The following GALNT2 variants were observed in gnomAD, a reference collection of about 807,000 sequenced individuals.
The protein encoded by GALNT2 is UDP-GalNAc:polypeptide N-acetylgalactosaminyltransferase 2.
In GALNT2, 31 loss-of-function variants were observed where a neutral mutation model predicts 81.4. That is an observed-to-expected ratio of 0.38 (90% CI 0.29 to 0.51). The LOEUF is 0.51. Ranked by LOEUF, GALNT2 falls within the 20% of genes least tolerant of loss-of-function variation. The pLI, the probability that GALNT2 is intolerant of heterozygous loss-of-function variation, is 0.87. For missense variants in GALNT2, 629 were observed against 765.7 expected, an observed-to-expected ratio of 0.82 and a Z score of 2.11; for synonymous variants, 303 against 287.4, an observed-to-expected ratio of 1.05 and a Z score of -0.55.
intron 2 of GALNT2, among the ~76,000 whole-genome samples, chr1:230,190,815 C>T (rs559033236): frequency 6.6e-6 from 1 of 152,296 alleles, no homozygotes; most frequent in Admixed American, 6.5e-5. Context: ...ATGGCAGCAA[C>T]ATCTCGACCG....
intron 3 of GALNT2, among the ~76,000 whole-genome samples, chr1:230,225,263 G>A (rs1007723049): frequency 6.6e-6 from 1 of 152,164 alleles, no homozygotes; most frequent in African/African-American, 2.4e-5. Flanking sequence ...TCCATTTCCA[G>A]TTTACATTCT....
intron 3 of GALNT2, among the ~76,000 whole-genome samples, chr1:230,223,344 AT>A (rs5781576): frequency 6.7e-6 from 1 of 148,876 alleles, no homozygotes; most frequent in Non-Finnish European, 1.5e-5. Flanking sequence ...TATCTTACTG[AT>A]TTTTTTTCTT....
rs1659350558 is a variant in GALNT2, at chr1:230,070,887, G to T, written c.126+3481G>T. ...TTGAGCTAGTAGTAGACATTAAAGGGAAATGGCACAAATCCACTTATTGGC... is the reference window on the plus strand; with the variant it reads ...TTGAGCTAGTAGTAGACATTAAAGGTAAATGGCACAAATCCACTTATTGGC... On this transcript the variant is annotated intron_variant, in intron 1 of 15. Transcript: ENST00000366672. This position sits in a 1 kb window ranked among gnomAD's most constrained non-coding sequence, Gnocchi z 4.7. Among the ~76,000 whole-genome samples the T allele has an allele frequency of 6.6e-6, 1 of 152,180 alleles. No homozygotes were observed. Among genetic ancestry groups the T allele is most frequent in the East Asian group, 1.9e-4 (1 of 5,202 alleles).
intron 1 of GALNT2, among the ~76,000 whole-genome samples, chr1:230,061,948 G>C (rs1659059539): frequency 6.6e-6 from 1 of 152,190 alleles, no homozygotes; most frequent in Non-Finnish European, 1.5e-5. Flanking sequence ...TAAAGTAGCA[G>C]ATGATACATA....
chr1:230,242,146 G>A (rs1665221857), intron 6 of GALNT2, among the ~76,000 whole-genome samples: 1 of 152,118 alleles, frequency 6.6e-6, no homozygotes, highest in South Asian at 2.1e-4. Context: ...CGTGGAAAAC[G>A]CCGTATAAAC....
chr1:230,235,854 T>A (rs1401474264), intron 3 of GALNT2, among the ~76,000 whole-genome samples, 160 bp from the exon 4 acceptor site: 14 of 152,184 alleles, frequency 9.2e-5, no homozygotes, highest in Admixed American at 9.2e-4. Context: ...TATGTCCCGT[T>A]GGCAGTTCAT....
At chr1:230,245,201 C>T (rs568015974) in intron 7 of GALNT2, among the ~76,000 whole-genome samples, 31 of 151,992 alleles carry the variant, frequency 2.0e-4, no homozygotes, top group African/African-American at 7.0e-4. Context: ...CAGTGGCTCA[C>T]GCCTGTAATC....
chr1:230,185,652 G>A (rs1014708463), intron 2 of GALNT2, among the ~76,000 whole-genome samples: 5 of 152,176 alleles, frequency 3.3e-5, no homozygotes, highest in Non-Finnish European at 7.3e-5. Context: ...TCTCCCGATG[G>A]CAGGCCTTAT....
rs149535262 is a variant in GALNT2, at chr1:230,177,089, G to T, written c.127-1129G>T. Among the ~76,000 whole-genome samples the T allele has an allele frequency of 4.3e-3, 648 of 152,336 alleles. 2 individuals carry two copies. The highest frequency in any genetic ancestry group is 0.015 in the African/African-American group (614 of 41,586). ...TAGGCACAGTTTCTGTCTAATTACC[G>T]CACCTCTTGAGTAAAAATGCAGATT... On this transcript the variant is annotated intron_variant, in intron 1 of 15. Coordinates refer to ENST00000366672, the MANE Select transcript of GALNT2 (RefSeq NM_004481.5).
At chr1:230,079,533 T>C (rs183817133) in intron 1 of GALNT2, among the ~76,000 whole-genome samples, 3 of 152,402 alleles carry the variant, frequency 2.0e-5, no homozygotes, top group Admixed American at 1.3e-4. Flanking sequence ...CAGCCCTGGC[T>C]GTCCTGGTCT....
intron 1 of GALNT2, among the ~76,000 whole-genome samples, chr1:230,159,038 T>C (rs111764825): frequency 7.2e-5 from 11 of 152,304 alleles, no homozygotes; most frequent in African/African-American, 2.6e-4. Context: ...TCTGGTGAGG[T>C]TGCTGACACT....
intron 1 of GALNT2, among the ~76,000 whole-genome samples, chr1:230,079,655 C>T (rs2102751903): frequency 6.6e-6 from 1 of 152,340 alleles, no homozygotes; most frequent in Non-Finnish European, 1.5e-5. Flanking sequence ...GGCTGGTGAT[C>T]TACTAACCCT....
intron 1 of GALNT2, among the ~76,000 whole-genome samples, chr1:230,155,519 C>T (rs1246058285): frequency 6.6e-6 from 1 of 152,158 alleles, no homozygotes; most frequent in Non-Finnish European, 1.5e-5. Context: ...TAGCTTCTTT[C>T]AGGATCTTCC....
rs1384211047 is a variant in GALNT2, at chr1:230,075,238, G to A, written c.126+7832G>A. On this transcript the variant is annotated intron_variant, in intron 1 of 15. Coordinates refer to ENST00000366672, the MANE Select transcript of GALNT2 (RefSeq NM_004481.5). ...CCTCCCGGGTTCAAGCGATTCTTGT[G>A]CCTCAGCCTCCTGAGTGGCTAGGAT... Among the ~76,000 whole-genome samples, 5 of 146,840 alleles carry A rather than the reference G, an allele frequency of 3.4e-5. No homozygotes were observed. The East Asian group carries it at 8.1e-4, about 24-fold the overall frequency.
chr1:230,232,350 A>C (rs978292940), intron 3 of GALNT2, among the ~76,000 whole-genome samples: 1 of 152,234 alleles, frequency 6.6e-6, no homozygotes, highest in African/African-American at 2.4e-5. Context: ...TTTTAATAAA[A>C]TGATACGAAT....
chr1:230,253,329 A>C (rs1665609001), intron 10 of GALNT2, among the ~76,000 whole-genome samples: 1 of 152,144 alleles, frequency 6.6e-6, no homozygotes, highest in Non-Finnish European at 1.5e-5. Flanking sequence ...GCTGGACCCA[A>C]GTAGAAACTC....
intron 1 of GALNT2, among the ~76,000 whole-genome samples, chr1:230,078,373 A>C (rs1455203491): frequency 6.6e-6 from 1 of 152,192 alleles, no homozygotes; most frequent in Non-Finnish European, 1.5e-5. Context: ...GTACTTTTGA[A>C]AAGTTCATTT....
At chr1:230,205,897 G>A (rs995441293) in intron 3 of GALNT2, among the ~76,000 whole-genome samples, 5 of 152,172 alleles carry the variant, frequency 3.3e-5, no homozygotes, top group Admixed American at 2.0e-4. Flanking sequence ...GAGAGGAAAC[G>A]GAGGTGCCCG....
intron 3 of GALNT2, among the ~76,000 whole-genome samples, chr1:230,214,803 C>T (rs543974447): frequency 6.6e-6 from 1 of 152,206 alleles, no homozygotes; most frequent in East Asian, 1.9e-4. Context: ...AAGCTCTTTT[C>T]TGTACTTTTT....
Sources: allele counts gnomAD v4.1 joint callset (sites outside exome capture counted in the v4.1 genomes callset), GRCh38; gene constraint gnomAD v4.1.1; non-coding constraint Gnocchi (gnomAD v3.1); transcripts MANE v1.5; gene names NCBI Gene and HGNC (gene_info 2026-07-23, HGNC 2026-07-21).